FKBP5: variants seen among roughly 807,000 people sequenced by gnomAD.
FKBP5 encodes the protein peptidyl-prolyl cis-trans isomerase FKBP5.
Under a neutral mutation model 50.5 loss-of-function variants are expected in FKBP5, and 23 were observed. That is an observed-to-expected ratio of 0.46 (90% CI 0.33 to 0.65). The LOEUF is 0.65. Among genes scored for constraint, FKBP5 ranks in the 30% least tolerant of loss-of-function variants. FKBP5 has a pLI of 0.02. For synonymous variants in FKBP5, 176 were observed against 190.6 expected, an observed-to-expected ratio of 0.92 and a Z score of 0.63; for missense variants, 411 against 553.1, an observed-to-expected ratio of 0.74 and a Z score of 2.58.
At chr6:35,702,036 T>C (rs1008357486) in intron 2 of FKBP5, among the ~76,000 whole-genome samples, 5 of 151,992 alleles carry the variant, frequency 3.3e-5, no homozygotes, top group African/African-American at 9.6e-5. Flanking sequence ...TTAGTAGAGA[T>C]GGGGTTTCAC....
chr6:35,671,889 GA>G (rs1437783357), intron 1 of FKBP5, among the ~76,000 whole-genome samples: 23 of 149,908 alleles, frequency 1.5e-4, no homozygotes, highest in African/African-American at 5.6e-4. Context: ...TTTTTTTTGA[GA>G]CGGAGTCTCA....
At chr6:35,581,264 A>T (rs1299189741) in intron 8 of FKBP5, 3 of 477,502 alleles carry the variant, frequency 6.3e-6, no homozygotes, top group Non-Finnish European at 8.1e-6. Flanking sequence ...ATATAAATAT[A>T]AACATATATA....
At chr6:35,680,776 T>G (rs1039960782) in intron 1 of FKBP5, among the ~76,000 whole-genome samples, 1 of 152,242 alleles carries the variant, frequency 6.6e-6, no homozygotes, top group Non-Finnish European at 1.5e-5. Context: ...AGTTCTAGGA[T>G]AGTAAAAACT....
chr6:35,591,215 C>T lies in FKBP5; in HGVS notation c.671G>A (p.Gly224Asp). 6.2e-7 allele frequency: 1 copy of T among 1,606,934 alleles called. No individual in the cohort carries two copies. Among genetic ancestry groups the T allele is most frequent in the South Asian group, 1.1e-5 (1 of 90,532 alleles). The part of the protein sequence containing the change: ...QCILYLGPRY[G>D]FGEAGKPKFG... ...TTTAGGCTTCCCTGCCTCTCCAAAA[C>T]CATATCTGAAATGGAGAGTAAAAAA... Residue 224 changes from glycine (G) to aspartate (D), a missense_variant, in exon 7 of 11, where the codon GGT becomes GAT. Physicochemically the swap from Gly to Asp is moderately conservative, Grantham distance 94 (BLOSUM62 -1). Around this residue, in one of 3 missense-constraint regions of FKBP5, gnomAD observed 267 missense variants for 405.9 expected, o/e 0.66. Transcript: ENST00000357266.
At chr6:35,655,012 C>T (rs1764910618) in intron 1 of FKBP5, among the ~76,000 whole-genome samples, 1 of 151,920 alleles carries the variant, frequency 6.6e-6, no homozygotes, top group Non-Finnish European at 1.5e-5. Flanking sequence ...ATAGTGAAAC[C>T]CTGACTCTTC....
At chr6:35,577,295 A>G in intron 9 of FKBP5, 62 bp from the exon 10 acceptor site, 1 of 1,447,382 alleles carries the variant, frequency 6.9e-7, no homozygotes, top group Non-Finnish European at 9.3e-7. Context: ...TAAACAGCTT[A>G]CCAAAGTTCT....
In FKBP5 at chr6:35,573,853, C is replaced by G. The variant is rs1014574205; in HGVS notation, c.*1982G>C. 1.3e-5 allele frequency: 2 copies of G among 152,184 alleles called. No individual in the cohort carries two copies. The highest frequency in any genetic ancestry group is 4.8e-5 in the African/African-American group (2 of 41,444). The allele number at this position is 152,184 out of a possible 1,614,324, so 9.4% of individuals were successfully genotyped here. A position where few individuals can be genotyped will look rare whatever the true frequency, so the allele number is the denominator to read the frequency against. Reference sequence around the variant, plus strand: ...CTCAGAACCACTCACACACCCTTCCCCTCCCCACACACACTTTTGCCAGTT... The same window carrying G: ...CTCAGAACCACTCACACACCCTTCCGCTCCCCACACACACTTTTGCCAGTT... On this transcript the variant is annotated 3_prime_UTR_variant, in exon 11 of 11. Transcript: ENST00000357266.
intron 1 of FKBP5, among the ~76,000 whole-genome samples, chr6:35,652,944 C>G (rs1764850985): frequency 6.6e-6 from 1 of 152,156 alleles, no homozygotes; most frequent in South Asian, 2.1e-4. Context: ...TTTTATTTCT[C>G]AAGCCAGCTG....
intron 1 of FKBP5, among the ~76,000 whole-genome samples, chr6:35,686,358 T>C (rs1417544728): frequency 6.6e-6 from 1 of 150,996 alleles, no homozygotes; most frequent in Non-Finnish European, 1.5e-5. Context: ...TTAACTTTTA[T>C]AGTTAAAATA....
chr6:35,648,367 T>C (rs1350079922), intron 1 of FKBP5, among the ~76,000 whole-genome samples: 4 of 152,080 alleles, frequency 2.6e-5, no homozygotes, highest in Non-Finnish European at 5.9e-5. Context: ...ATTCCTGGGC[T>C]CAAGCAATCC....
intron 5 of FKBP5, among the ~76,000 whole-genome samples, chr6:35,616,065 C>A (rs981020643): frequency 1.3e-5 from 2 of 152,152 alleles, no homozygotes; most frequent in Non-Finnish European, 2.9e-5. Context: ...GTAATCCCAG[C>A]ATTTTGGGAG....
chr6:35,622,228 G>A (rs1466518817), intron 3 of FKBP5, among the ~76,000 whole-genome samples: 1 of 152,108 alleles, frequency 6.6e-6, no homozygotes, highest in Non-Finnish European at 1.5e-5. Flanking sequence ...TATGTAAGTG[G>A]CCAGGAATAG....
intron 1 of FKBP5, among the ~76,000 whole-genome samples, chr6:35,669,943 G>A (rs962224343): frequency 3.9e-5 from 6 of 152,144 alleles, no homozygotes; most frequent in Admixed American, 2.6e-4. Flanking sequence ...TCTTGCCTCA[G>A]ATTACTGGTA....
At chr6:35,679,205 T>C (rs1349961409) in intron 1 of FKBP5, among the ~76,000 whole-genome samples, 3 of 152,244 alleles carry the variant, frequency 2.0e-5, no homozygotes, top group Admixed American at 1.3e-4. Context: ...GACAATTCTC[T>C]ACGATTCTGT....
Position 35,659,597 on chromosome 6 carries a change from A to G in FKBP5, c.-19-16754T>C, listed in dbSNP as rs1471820870. Among the ~76,000 whole-genome samples, 11 of 84,876 alleles carry G rather than the reference A, an allele frequency of 1.3e-4. 4 individuals are homozygous for G. Among genetic ancestry groups the G allele is most frequent in the African/African-American group, 4.0e-4 (11 of 27,450 alleles). 55.7% of individuals were successfully genotyped at this position (84,876 alleles called of 152,430 possible). A position where few individuals can be genotyped will look rare whatever the true frequency, so the allele number is the denominator to read the frequency against. ...GGACTTTTCAGGTTGTTTCTTCTTC[A>G]GTGAGCTTAGGTATTTTGTATCTTT... On this transcript the variant is annotated intron_variant, in intron 1 of 10. Transcript: ENST00000357266.
Position 35,722,415 on chromosome 6 carries a change from C to T in FKBP5, c.-240-1867G>A, listed in dbSNP as rs376736569. Among the ~76,000 whole-genome samples, 27 of 152,352 alleles carry T rather than the reference C, an allele frequency of 1.8e-4. No individual in the cohort carries two copies. In the East Asian group the frequency reaches 3.5e-3, roughly 20 times the overall value. On this transcript the variant is annotated intron_variant, in intron 1 of 11. Transcript: ENST00000536438. ...CTGTGAATGTGGGCTAATGGGGGAT[C>T]GGAGGAGAGTGCTTTGGGCCTGGCT...
At chr6:35,722,486 G>A (rs1766628995) in intron 1 of FKBP5, among the ~76,000 whole-genome samples, 1 of 152,158 alleles carries the variant, frequency 6.6e-6, no homozygotes, top group Non-Finnish European at 1.5e-5. Flanking sequence ...AGGGAACCAT[G>A]AGGCTGCCTG....
At position 35,715,056 on chromosome 6, in the gene FKBP5, C is replaced by T. The variant is rs190272427; in HGVS notation, c.-20+5272G>A. 4.6e-3 allele frequency among the ~76,000 whole-genome samples: 698 copies of T among 152,196 alleles called. 3 individuals are homozygous for T. The highest frequency in any genetic ancestry group is 0.014 in the Middle Eastern group (4 of 294). On this transcript the variant is annotated intron_variant, in intron 2 of 11. Transcript: ENST00000536438. The stretch of plus-strand genomic sequence containing the variant: ...CCAAGTCTATAGGTGCATGCCACCA[C>T]GCCTGCGTAATTTTTGTATTTTCAG...
At chr6:35,616,716 T>C (rs1763671946) in intron 5 of FKBP5, among the ~76,000 whole-genome samples, 1 of 152,158 alleles carries the variant, frequency 6.6e-6, no homozygotes. Context: ...GGGAAAAGTT[T>C]TTCCTCTTAG....
Sources: allele counts gnomAD v4.1 joint callset (sites outside exome capture counted in the v4.1 genomes callset), GRCh38; gene constraint gnomAD v4.1.1; regional missense constraint gnomAD v4.1.1; transcripts MANE v1.5; gene names NCBI Gene and HGNC (gene_info 2026-07-23, HGNC 2026-07-21).